STK32A: variants seen among roughly 807,000 people sequenced by gnomAD.
STK32A encodes serine/threonine kinase 32A.
In STK32A, 41 loss-of-function variants were observed where a neutral mutation model predicts 53.2. The observed-to-expected ratio is 0.77, with a 90% CI of 0.60 to 1.00. STK32A has a LOEUF of 1.00. Ranked by LOEUF, STK32A falls within the 50% of genes least tolerant of loss-of-function variation. The pLI, the probability that STK32A is intolerant of heterozygous loss-of-function variation, is 0.00. For missense variants in STK32A, 458 were observed against 485.8 expected (o/e 0.94, Z 0.54); for synonymous variants, 166 against 162.8 (o/e 1.02, Z -0.15).
chr5:147,290,448 G>GTC (rs1208449291), intron 4 of STK32A, among the ~76,000 whole-genome samples: 2 of 152,106 alleles, frequency 1.3e-5, no homozygotes, highest in African/African-American at 4.8e-5. Context: ...CTTCTTGTGC[G>GTC]TCTGTCTCTG....
intron 2 of STK32A, among the ~76,000 whole-genome samples, chr5:147,259,541 CTT>C (rs58442395): frequency 0.3 from 44,519 of 147,722 alleles, 6,937 homozygotes; most frequent in African/African-American, 0.36. Context: ...TTTACCCTGG[CTT>C]TTTTTTTTTT....
intron 4 of STK32A, among the ~76,000 whole-genome samples, chr5:147,294,973 G>A (rs995319854): frequency 5.9e-5 from 9 of 152,150 alleles, no homozygotes; most frequent in African/African-American, 1.4e-4. Flanking sequence ...ATGAGCCACC[G>A]CGTCTGGCCA....
intron 4 of STK32A, among the ~76,000 whole-genome samples, chr5:147,280,003 G>C (rs1169672343): frequency 6.6e-6 from 1 of 152,174 alleles, no homozygotes; most frequent in Non-Finnish European, 1.5e-5. Context: ...CACTGGAGAA[G>C]CTGAAGGTCT....
chr5:147,349,089 G>A (rs1755830983), intron 6 of STK32A, among the ~76,000 whole-genome samples: 1 of 152,144 alleles, frequency 6.6e-6, no homozygotes, highest in South Asian at 2.1e-4. Flanking sequence ...CAGGACCCAT[G>A]GGGAGAAAGA....
chr5:147,334,104 A>T (rs1420981544), intron 5 of STK32A, among the ~76,000 whole-genome samples: 1 of 152,262 alleles, frequency 6.6e-6, no homozygotes, highest in African/African-American at 2.4e-5. Flanking sequence ...CCATTACAAA[A>T]CCATAGGAAA....
chr5:147,281,529 T>G (rs2151956098), intron 4 of STK32A, among the ~76,000 whole-genome samples: 1 of 152,114 alleles, frequency 6.6e-6, no homozygotes, highest in East Asian at 1.9e-4. Flanking sequence ...AGACAAAGTC[T>G]TCAAATTAAC....
At chr5:147,270,428 G>T (rs1383398382) in intron 2 of STK32A, among the ~76,000 whole-genome samples, 6 of 151,942 alleles carry the variant, frequency 3.9e-5, no homozygotes, top group African/African-American at 1.5e-4. Context: ...TGCTCAGGCT[G>T]GTCTCTAACT....
In STK32A at chr5:147,363,590, G is replaced by A. The variant is rs139449291; in HGVS notation, c.660+1976G>A. On this transcript the variant is annotated intron_variant, in intron 8 of 12. Transcript: ENST00000397936. ...CCTTCTTCCTTTTACTTGAAGGATA[G>A]CACATGTTCACAGCTGGATAGCATT... Among the ~76,000 whole-genome samples the A allele has an allele frequency of 9.2e-5, 14 of 152,320 alleles. No homozygotes were observed. In the East Asian group the frequency reaches 2.7e-3, roughly 29 times the overall value.
At chr5:147,322,269 T>C (rs1754359519) in intron 4 of STK32A, among the ~76,000 whole-genome samples, 1 of 152,216 alleles carries the variant, frequency 6.6e-6, no homozygotes, top group Non-Finnish European at 1.5e-5. Flanking sequence ...CTTTTTAAGT[T>C]TCTGTCTAAA....
At chr5:147,257,970 A>G (rs539820858) in intron 2 of STK32A, among the ~76,000 whole-genome samples, 2 of 151,842 alleles carry the variant, frequency 1.3e-5, no homozygotes, top group Non-Finnish European at 2.9e-5. Context: ...TAGATTTTAG[A>G]CCAAAGAAGG....
At chr5:147,365,538 C>T (rs1172876783) in intron 8 of STK32A, among the ~76,000 whole-genome samples, 3 of 151,314 alleles carry the variant, frequency 2.0e-5, no homozygotes, top group East Asian at 1.9e-4. Context: ...CAAGTAGATA[C>T]GCTACTCATG....
Position 147,387,107 on chromosome 5 carries a change from G to A in STK32A, c.*3124G>A, listed in dbSNP as rs1033504335. ...TGGAGCATCTGCAAAGTCTGAGCAG[G>A]TTTTGAAGTCCAAGAGCATCCCAGC... On this transcript the variant is annotated 3_prime_UTR_variant, in exon 13 of 13. Coordinates refer to ENST00000397936, the MANE Select transcript of STK32A (RefSeq NM_001112724.2). 1 of 152,244 alleles carries A rather than the reference G, an allele frequency of 6.6e-6. No homozygotes were observed. Among genetic ancestry groups the A allele is most frequent in the African/African-American group, 2.4e-5 (1 of 41,454 alleles). The allele number at this position is 152,244 out of a possible 1,614,324, so 9.4% of individuals were successfully genotyped here. A position where few individuals can be genotyped will look rare whatever the true frequency, so the allele number is the denominator to read the frequency against.
chr5:147,281,952 T>A (rs776923639), intron 4 of STK32A, among the ~76,000 whole-genome samples: 1 of 152,182 alleles, frequency 6.6e-6, no homozygotes, highest in Non-Finnish European at 1.5e-5. Flanking sequence ...GAGCCCTATC[T>A]CTGGCCTCCT....
At position 147,288,650 on chromosome 5, in the gene STK32A, A is replaced by T. The variant is rs531957453; in HGVS notation, c.260+9252A>T. ...AGAGAGAGGAGGAGAGAGTCACTACACACTTTTAAATGACCAGCTCTCTTA... is the reference window on the plus strand; with the variant it reads ...AGAGAGAGGAGGAGAGAGTCACTACTCACTTTTAAATGACCAGCTCTCTTA... On this transcript the variant is annotated intron_variant, in intron 4 of 12. Coordinates refer to ENST00000397936, the MANE Select transcript of STK32A (RefSeq NM_001112724.2). 7.9e-5 allele frequency among the ~76,000 whole-genome samples: 12 copies of T among 152,168 alleles called. No homozygotes were observed. The South Asian group carries it at 2.3e-3, about 29-fold the overall frequency.
At chr5:147,263,846 CAGATT>C (rs374605452) in intron 2 of STK32A, among the ~76,000 whole-genome samples, 12 of 152,188 alleles carry the variant, frequency 7.9e-5, no homozygotes, top group Admixed American at 5.9e-4. Flanking sequence ...CATAAGTTTT[CAGATT>C]AAAGGAGCCT....
At chr5:147,291,739 G>A (rs906849597) in intron 4 of STK32A, among the ~76,000 whole-genome samples, 1 of 152,084 alleles carries the variant, frequency 6.6e-6, no homozygotes, top group Non-Finnish European at 1.5e-5. Flanking sequence ...GGTCAGGGCT[G>A]AATTTAAAAA....
chr5:147,299,857 G>A (rs766793595), intron 4 of STK32A, among the ~76,000 whole-genome samples: 1 of 152,146 alleles, frequency 6.6e-6, no homozygotes, highest in African/African-American at 2.4e-5. Context: ...CCAGGATCAC[G>A]ATGATAATGA....
chr5:147,389,685 A>G (rs911091075), downstream of STK32A, among the ~76,000 whole-genome samples: 2 of 152,100 alleles, frequency 1.3e-5, no homozygotes, highest in Non-Finnish European at 2.9e-5. Flanking sequence ...CCTGGCCAAC[A>G]TGGTGAAACC....
At chr5:147,261,184 A>C (rs2151947007) in intron 2 of STK32A, among the ~76,000 whole-genome samples, 1 of 152,340 alleles carries the variant, frequency 6.6e-6, no homozygotes. Flanking sequence ...CAATCCCAGA[A>C]GAGCCCCCAA....
Sources: allele counts gnomAD v4.1 joint callset (sites outside exome capture counted in the v4.1 genomes callset), GRCh38; gene constraint gnomAD v4.1.1; transcripts MANE v1.5; gene names NCBI Gene and HGNC (gene_info 2026-07-23, HGNC 2026-07-21).